WBP11: variants seen among roughly 807,000 people sequenced by gnomAD.
WBP11 encodes the protein WW domain-binding protein 11.
Under a neutral mutation model 66.7 loss-of-function variants are expected in WBP11, and 12 were observed. The observed-to-expected ratio is 0.18, with a 90% CI of 0.12 to 0.29. The LOEUF (loss-of-function observed/expected upper bound fraction) is 0.29. WBP11 is among the 10% of genes least tolerant of loss of function. The pLI, the probability that WBP11 is intolerant of heterozygous loss-of-function variation, is 1.00. For synonymous variants in WBP11, 255 were observed against 273.8 expected, an observed-to-expected ratio of 0.93 and a Z score of 0.68; for missense variants, 555 against 818.3, an observed-to-expected ratio of 0.68 and a Z score of 3.93.
In WBP11 at chr12:14,803,470, A is replaced by G. The variant is rs894761439; in HGVS notation, c.-164T>C. 1 of 398,612 alleles carries G rather than the reference A, an allele frequency of 2.5e-6. No individual in the cohort carries two copies. The highest frequency in any genetic ancestry group is 1.3e-4 in the South Asian group (1 of 7,860). The allele number at this position is 398,612 out of a possible 1,614,324, so 24.7% of individuals were successfully genotyped here. A position where few individuals can be genotyped will look rare whatever the true frequency, so the allele number is the denominator to read the frequency against. On this transcript the variant is annotated 5_prime_UTR_variant, in exon 1 of 12. Coordinates refer to ENST00000261167, the MANE Select transcript of WBP11 (RefSeq NM_016312.3). ...CAACCCCTCAGCTACCGCCATCTTG[A>G]AACCTCGCGCCCCTCCGCACTCCTC...
rs759159394 is a variant in WBP11 at position 14,795,131 on chromosome 12, T to C, written c.388-27A>G. The stretch of plus-strand genomic sequence containing the variant: ...TGAAACAGAGAACCATTCAGTAGTA[T>C]GATAAAAAAGTCATCTACTAACTAA... On this transcript the variant is annotated intron_variant, in intron 5 of 11. Transcript: ENST00000261167. 12 of 1,538,424 alleles carry C rather than the reference T, an allele frequency of 7.8e-6. No homozygotes were observed. The Middle Eastern group carries it at 1.6e-3, about 206-fold the overall frequency.
intron 2 of WBP11, 190 bp from the exon 3 acceptor site, chr12:14,800,973 C>T: frequency 2.0e-6 from 1 of 500,950 alleles, no homozygotes; most frequent in Non-Finnish European, 3.5e-6. Context: ...AATGTCAAGA[C>T]ATTTTTGTTT....
At chr12:14,787,840 A>C (rs1949771671) in intron 11 of WBP11, among the ~76,000 whole-genome samples, 1 of 152,232 alleles carries the variant, frequency 6.6e-6, no homozygotes, top group Admixed American at 6.5e-5. Context: ...GGTATTAGTA[A>C]GGACAAGGTC....
chr12:14,791,315 A>G, intron 8 of WBP11, 45 bp from the exon 9 acceptor site: 1 of 1,540,434 alleles, frequency 6.5e-7, no homozygotes, highest in South Asian at 1.1e-5. Flanking sequence ...CATCAACAAA[A>G]TTCAGTAAAT....
At position 14,801,448 on chromosome 12, in the gene WBP11, G is replaced by T. The variant is rs992597652; in HGVS notation, c.-45-20C>A. ...AAAAACCTGTGAAGGTGAAGACAAA[G>T]AAATAGCTTATATCTCCTAAATGTA... is the stretch of plus-strand genomic sequence containing the variant. On this transcript the variant is annotated intron_variant, in intron 1 of 11. Transcript: ENST00000261167. 1 of 1,482,500 alleles carries T rather than the reference G, an allele frequency of 6.7e-7. No homozygotes were observed. The highest frequency in any genetic ancestry group is 1.4e-5 in the African/African-American group (1 of 71,756). The allele number at this position is 1,482,500 out of a possible 1,614,324, so 91.8% of individuals were successfully genotyped here.
At chr12:14,799,844 AC>A in intron 3 of WBP11, 116 bp from the exon 4 acceptor site, 1 of 884,874 alleles carries the variant, frequency 1.1e-6, no homozygotes, top group Non-Finnish European at 1.7e-6. Context: ...TGTTTCAACC[AC>A]CAGAAACAGC....
chr12:14,795,017 G>A lies in WBP11; in HGVS notation c.475C>T (p.Pro159Ser). The change falls in exon 6 of 12, where the codon CCT (proline) becomes TCT (serine). Residue 159 changes from proline to serine, a missense_variant. Pro to Ser is a moderately conservative substitution (Grantham distance 74). This residue lies in a region of WBP11 where 220 missense variants were observed against 268.2 expected (regional missense o/e 0.82). Coordinates refer to ENST00000261167, the MANE Select transcript of WBP11 (RefSeq NM_016312.3). ...SNILIQDIPL[P>S]GAQPPSILKK... ...AGGATAGAGGGTGGCTGGGCACCAG[G>A]AAGTGGAATGTCCTGGATCAAAATG... The A allele has an allele frequency of 6.2e-7, 1 of 1,612,562 alleles. No individual in the cohort carries two copies. The highest frequency in any genetic ancestry group is 8.5e-7 in the Non-Finnish European group (1 of 1,180,024).
intron 6 of WBP11, 27 bp from the exon 7 acceptor site, chr12:14,794,763 A>T: frequency 6.5e-7 from 1 of 1,533,708 alleles, no homozygotes; most frequent in Non-Finnish European, 8.7e-7. Context: ...CAAAAACAAA[A>T]AAACCCCCAC....
chr12:14,800,868 A>C (rs1949954544), intron 2 of WBP11, 85 bp from the exon 3 acceptor site: 4 of 1,261,262 alleles, frequency 3.2e-6, no homozygotes, highest in Non-Finnish European at 4.5e-6. Context: ...GTAATTCTTT[A>C]TTGTGGAAAG....
rs397826749 is a variant in WBP11, at chr12:14,796,698, A to AC, written c.387+108dup. On this transcript the variant is annotated intron_variant, in intron 5 of 11. Coordinates refer to ENST00000261167, the MANE Select transcript of WBP11 (RefSeq NM_016312.3). This position sits in a 1 kb window ranked among gnomAD's most constrained non-coding sequence, Gnocchi z 4.5. ...AAAAACAAAACAAAATATAAAAAAA[A>AC]CCCAACAACCCTAAATCCAAAACAC... 1.4e-5 allele frequency: 15 copies of AC among 1,052,626 alleles called. No individual in the cohort carries two copies. The highest frequency in any genetic ancestry group is 1.0e-4 in the Admixed American group (3 of 29,656). The allele number at this position is 1,052,626 out of a possible 1,614,324, so 65.2% of individuals were successfully genotyped here.
In WBP11 at chr12:14,789,082, A is replaced by G; in HGVS notation, c.1361T>C (p.Leu454Ser). 1 of 1,415,886 alleles carries G rather than the reference A, an allele frequency of 7.1e-7. No individual in the cohort carries two copies. Among genetic ancestry groups the G allele is most frequent in the Non-Finnish European group, 9.5e-7 (1 of 1,054,778 alleles). 87.7% of individuals were successfully genotyped at this position (1,415,886 alleles called of 1,614,324 possible). The change falls in exon 11 of 12, where the codon TTA becomes TCA. Residue 454 changes from leucine to serine, a missense_variant. This residue lies in a region of WBP11 where 230 missense variants were observed against 286.3 expected (regional missense o/e 0.80). Coordinates refer to ENST00000261167, the MANE Select transcript of WBP11 (RefSeq NM_016312.3). Reference protein sequence around the residue: ...PPGMPGLRGPLPRLLPPGPPP... With the variant: ...PPGMPGLRGPSPRLLPPGPPP... ...TGGTCCTGGAGGTAAAAGTCGGGGT[A>G]AGGGCCCTCGGAGTCCTGGCATTCC...
Position 14,801,427 on chromosome 12 carries a change from AC to A in WBP11, c.-45del. 6.3e-7 allele frequency: 1 copy of A among 1,587,258 alleles called. No individual in the cohort carries two copies. Among genetic ancestry groups the A allele is most frequent in the Non-Finnish European group, 8.6e-7 (1 of 1,158,788 alleles). ...TTACTTGTTCATTAAAAAAAGAAAA[AC>A]CTGTGAAGGTGAAGACAAAGAAATA... On this transcript the variant is annotated splice_region_variant and 5_prime_UTR_variant, in exon 2 of 12. Transcript: ENST00000261167.
rs542636381 is a variant in WBP11, at chr12:14,801,131, A to G, written c.64+189T>C. Reference sequence around the variant, plus strand: ...TACTTTGCAAGTCAATCAAATTTGAAAAATAAAATACGGGTACTAATTTCT... The same window carrying G: ...TACTTTGCAAGTCAATCAAATTTGAGAAATAAAATACGGGTACTAATTTCT... On this transcript the variant is annotated intron_variant, in intron 2 of 11. Transcript: ENST00000261167. The G allele has an allele frequency of 8.3e-5, 42 of 505,114 alleles. No homozygotes were observed. The East Asian group carries it at 1.3e-3, about 16-fold the overall frequency. 31.3% of individuals were successfully genotyped at this position (505,114 alleles called of 1,614,324 possible).
Position 14,786,697 on chromosome 12 carries a change from GT to G in WBP11, c.*367del, listed in dbSNP as rs954300447. On this transcript the variant is annotated 3_prime_UTR_variant, in exon 12 of 12. Transcript: ENST00000261167. ...CACAAAAGGCAAGATGAAATAAACTGTTTTTTTTTCTCCAGAAATCTCTACT... is the reference window on the plus strand; with the variant it reads ...CACAAAAGGCAAGATGAAATAAACTGTTTTTTTTCTCCAGAAATCTCTACT... 3 of 164,450 alleles carry G rather than the reference GT, an allele frequency of 1.8e-5. No individual in the cohort carries two copies. The highest frequency in any genetic ancestry group is 6.3e-5 in the Admixed American group (1 of 15,928). The allele number at this position is 164,450 out of a possible 1,614,324, so 10.2% of individuals were successfully genotyped here.
In WBP11 at chr12:14,786,890, T is replaced by C. The variant is rs1274279313; in HGVS notation, c.*175A>G. 1 of 662,974 alleles carries C rather than the reference T, an allele frequency of 1.5e-6. No homozygotes were observed. The highest frequency in any genetic ancestry group is 3.0e-5 in the Admixed American group (1 of 33,830). The allele number at this position is 662,974 out of a possible 1,614,324, so 41.1% of individuals were successfully genotyped here. Reference sequence around the variant, plus strand: ...AATAACTGATCTATTCTGGATGAAATACCCTTTTTTATGTGCAGTAAATTC... The same window carrying C: ...AATAACTGATCTATTCTGGATGAAACACCCTTTTTTATGTGCAGTAAATTC... On this transcript the variant is annotated 3_prime_UTR_variant, in exon 12 of 12. Coordinates refer to ENST00000261167, the MANE Select transcript of WBP11 (RefSeq NM_016312.3).
Position 14,790,682 on chromosome 12 carries a change from A to G in WBP11, c.1083T>C (p.Ser361=). The G allele has an allele frequency of 1.2e-6, 2 of 1,614,234 alleles. No individual in the cohort carries two copies. The highest frequency in any genetic ancestry group is 2.2e-5 in the East Asian group (1 of 44,886). ...ATTGCTTTTCTGCTTCAGAGTCATC[A>G]GAATCATCTTCATCATCGTCCTCTG... The part of the protein sequence containing the change: ...EFSEDDDEDD[S]DDSEAEKQSQ... The change falls in exon 10 of 12, where the codon TCT becomes TCC. Residue 361 remains serine (S), a synonymous_variant. Coordinates refer to ENST00000261167, the MANE Select transcript of WBP11 (RefSeq NM_016312.3).
rs1391802296 is a variant in WBP11, at chr12:14,796,132, TG to T, written c.387+674del. ...TTTCATAAAAATGAAATCATAACAA[TG>T]AGATAAACTTAGCATGTTTTTGAGA... On this transcript the variant is annotated intron_variant, in intron 5 of 11. Transcript: ENST00000261167. This position sits in a 1 kb window ranked among gnomAD's most constrained non-coding sequence, Gnocchi z 4.5. Among the ~76,000 whole-genome samples, 2 of 152,172 alleles carry T rather than the reference TG, an allele frequency of 1.3e-5. No homozygotes were observed. Among genetic ancestry groups the T allele is most frequent in the African/African-American group, 2.4e-5 (1 of 41,438 alleles).
At position 14,793,917 on chromosome 12, in the gene WBP11, G is replaced by T; in HGVS notation, c.727C>A (p.Arg243=). Residue 243 remains arginine (R), a synonymous_variant, in exon 8 of 12, where the codon CGA becomes AGA. Coordinates refer to ENST00000261167, the MANE Select transcript of WBP11 (RefSeq NM_016312.3). Reference sequence around the variant, plus strand: ...CTAGAAACATCATCATCATGACCTCGCTGGGCTGAAAAGTGGGAAGGGAAC... The same window carrying T: ...CTAGAAACATCATCATCATGACCTCTCTGGGCTGAAAAGTGGGAAGGGAAC... The part of the protein sequence containing the change: ...DMLYSPELAQ[R]GHDDDVSSTS... 6.2e-7 allele frequency: 1 copy of T among 1,605,868 alleles called. No individual in the cohort carries two copies. Among genetic ancestry groups the T allele is most frequent in the Non-Finnish European group, 8.5e-7 (1 of 1,175,480 alleles).
intron 8 of WBP11, among the ~76,000 whole-genome samples, chr12:14,791,897 T>C (rs939351172): frequency 2.6e-5 from 4 of 152,110 alleles, no homozygotes; most frequent in African/African-American, 9.7e-5. Flanking sequence ...AAATCAAATA[T>C]TGTATGCTCT....
Sources: gnomAD v4.1 joint callset for allele counts (sites outside exome capture counted in the v4.1 genomes callset) on GRCh38, gnomAD v4.1.1 for gene constraint, gnomAD v4.1.1 regional missense constraint, Gnocchi (gnomAD v3.1) non-coding constraint, MANE v1.5 for transcripts, NCBI Gene and HGNC (gene_info 2026-07-23, HGNC 2026-07-21) for gene names.